Variants in PIEZO1 observed in about 807,000 individuals in gnomAD.
PIEZO1 encodes piezo-type mechanosensitive ion channel component 1.
PIEZO1 carries 296 observed loss-of-function variants against 297.2 expected under a neutral mutation model. The ratio of observed to expected loss-of-function variants is 1.00; its 90% CI spans 0.91 to 1.10. The LOEUF (loss-of-function observed/expected upper bound fraction) is 1.10. PIEZO1 is among the 50% of genes least tolerant of loss of function. The probability of loss-of-function intolerance (pLI) is 0.00; values close to 1 mark genes in which losing one functional copy is unlikely to be tolerated. For missense variants in PIEZO1, 5,018 were observed against 3,455.5 expected, an observed-to-expected ratio of 1.45 and a Z score of -11.34; for synonymous variants, 2,427 against 1,507.5, an observed-to-expected ratio of 1.61 and a Z score of -14.13.
At position 88,733,076 on chromosome 16, in the gene PIEZO1, T is replaced by G. The variant is rs61095291; in HGVS notation, c.2664+202A>C. 7,530 of 603,244 alleles carry G rather than the reference T, an allele frequency of 0.012. 418 individuals are homozygous for G. The African/African-American group carries it at 0.13, about 10-fold the overall frequency. 37.4% of individuals were successfully genotyped at this position (603,244 alleles called of 1,614,324 possible). ...GGGACTCCGCCCCTACTGGACACCC[T>G]TGTGTGCAGGGAGTGCGCCCCTGGT... is the stretch of plus-strand genomic sequence containing the variant. On this transcript the variant is annotated intron_variant, in intron 19 of 50. Transcript: ENST00000301015.
At chr16:88,755,729 G>T (rs969185346) in intron 1 of PIEZO1, among the ~76,000 whole-genome samples, 2 of 152,238 alleles carry the variant, frequency 1.3e-5, no homozygotes, top group Non-Finnish European at 2.9e-5. Flanking sequence ...CTCCAAAGGG[G>T]ACAGTGCAGA....
chr16:88,774,913 G>A (rs576202588), intron 1 of PIEZO1, among the ~76,000 whole-genome samples: 14 of 152,334 alleles, frequency 9.2e-5, no homozygotes, highest in African/African-American at 2.6e-4. Context: ...ATTAACCCCA[G>A]AGGAACCAGT....
intron 1 of PIEZO1, among the ~76,000 whole-genome samples, chr16:88,750,694 G>A (rs1036184069): frequency 1.3e-5 from 2 of 152,252 alleles, no homozygotes; most frequent in Non-Finnish European, 2.9e-5. Flanking sequence ...GGAATGTGAG[G>A]TTTGTCAGGA....
intron 1 of PIEZO1, among the ~76,000 whole-genome samples, chr16:88,756,902 C>T (rs1906688541): frequency 6.6e-6 from 1 of 152,048 alleles, no homozygotes; most frequent in South Asian, 2.1e-4. Flanking sequence ...TGGTGAAACC[C>T]TGTCTCTACT....
chr16:88,764,875 C>T (rs947100379), intron 1 of PIEZO1, among the ~76,000 whole-genome samples: 5 of 152,164 alleles, frequency 3.3e-5, no homozygotes, highest in East Asian at 1.9e-4. Context: ...CAGACACTGG[C>T]GACCACTCCA....
chr16:88,736,916 G>A, intron 10 of PIEZO1, 177 bp from the exon 11 acceptor site: 2 of 503,414 alleles, frequency 4.0e-6, no homozygotes, highest in Non-Finnish European at 7.0e-6. Flanking sequence ...CTGAGCGTCA[G>A]GGATGGCCCT....
rs926022158 is a variant in PIEZO1 at position 88,742,492 on chromosome 16, G to A, written c.161-70C>T. On this transcript the variant is annotated intron_variant, in intron 2 of 50. Transcript: ENST00000301015. ...GGGCCGCAGCCCAGGCCGCTCAGCC[G>A]GACAATAGCCCCCAGCCCGGCCAGA... 122 of 1,477,752 alleles carry A rather than the reference G, an allele frequency of 8.3e-5. 1 individual carries two copies. Among genetic ancestry groups the A allele is most frequent in the Admixed American group, 6.6e-4 (30 of 45,166 alleles). 91.5% of individuals were successfully genotyped at this position (1,477,752 alleles called of 1,614,324 possible).
rs1057359771 is a variant in PIEZO1 at position 88,727,107 on chromosome 16, G to A, written c.3387C>T (p.Gly1129=). The A allele has an allele frequency of 1.3e-4, 196 of 1,549,830 alleles. No homozygotes were observed. Among genetic ancestry groups the A allele is most frequent in the Middle Eastern group, 1.7e-4 (1 of 6,000 alleles). ...ERTEEWQRMA[G]VNTDRLEPLR... ...GCGGCTCCAGGCGGTCGGTGTTGAC[G>A]CCAGCCATGCGCTGCCACTCCTCTG... The change falls in exon 24 of 51, where the codon GGC becomes GGT. Residue 1129 remains glycine (G), a synonymous_variant. Transcript: ENST00000301015.
At position 88,723,004 on chromosome 16, in the gene PIEZO1, TC is replaced by T; in HGVS notation, c.4500del (p.Ser1501AlafsTer8). 1 of 1,400,602 alleles carries T rather than the reference TC, an allele frequency of 7.1e-7. No individual in the cohort carries two copies. The highest frequency in any genetic ancestry group is 1.2e-5 in the South Asian group (1 of 81,468). The allele number at this position is 1,400,602 out of a possible 1,614,324, so 86.8% of individuals were successfully genotyped here. On this transcript the variant is annotated frameshift_variant, in exon 34 of 51. Transcript: ENST00000301015. LOFTEE classifies it high-confidence loss of function. ...AEGPEEAAAG[R>X]SHVVQRVLST... is the part of the protein sequence containing the mutation. ...CTCAGCACCCTCTGCACCACATGGCTCCGGCCTGCGGGAGGGCGGGAGGGGG... is the reference window on the plus strand; with the variant it reads ...CTCAGCACCCTCTGCACCACATGGCTCGGCCTGCGGGAGGGCGGGAGGGGG...
rs1904303844 is a variant in PIEZO1, at chr16:88,723,891, A to G, written c.4315T>C (p.Ser1439Pro). Reference sequence around the variant, plus strand: ...CTCACCTGGAAGGCACTCTGTGCCGACGGCCTCGGGTCTTCAGGAACAGCC... The same window carrying G: ...CTCACCTGGAAGGCACTCTGTGCCGGCGGCCTCGGGTCTTCAGGAACAGCC... ...EEAVPEDPRP[S>P]AQSAFQLAYQ... The change falls in exon 31 of 51, where the codon TCG (serine) becomes CCG (proline). Residue 1439 changes from serine to proline, a missense_variant. Ser to Pro is a moderately conservative substitution (Grantham distance 74). Transcript: ENST00000301015. The G allele has an allele frequency of 4.5e-6, 7 of 1,546,062 alleles. No homozygotes were observed. The African/African-American group carries it at 9.6e-5, about 21-fold the overall frequency.
rs1597462463 is a variant in PIEZO1, at chr16:88,738,685, C to T, written c.517G>A (p.Ala173Thr). Residue 173 changes from alanine to threonine, a missense_variant, in exon 6 of 51, where the codon GCA becomes ACA. By Grantham distance (58) the Ala-to-Thr change is moderately conservative (BLOSUM62 0). Transcript: ENST00000301015. Reference protein sequence around the residue: ...DASPTAGLQEAATLAPTRRSR... With the variant: ...DASPTAGLQETATLAPTRRSR... ...CTCCGTGTAGGGGCCAGCGTTGCTG[C>T]TTCCTGCAGCCCTGCCGTCGGGCTG... 1.3e-6 allele frequency: 2 copies of T among 1,534,712 alleles called. No homozygotes were observed. Among genetic ancestry groups the T allele is most frequent in the Non-Finnish European group, 1.7e-6 (2 of 1,146,046 alleles).
chr16:88,732,718 G>A lies in PIEZO1; in HGVS notation c.2679C>T (p.Ser893=). The change falls in exon 20 of 51, where the codon AGC becomes AGT. Residue 893 remains serine, a synonymous_variant. Coordinates refer to ENST00000301015, the MANE Select transcript of PIEZO1 (RefSeq NM_001142864.4). The part of the protein sequence containing the change: ...SSNCTEPFPN[S]TNLLPTEISQ... ...TGATCTCCGTGGGCAGCAAGTTGGT[G>A]CTGTTGGGGAAGGGCTGGCAAGAGG... is the stretch of plus-strand genomic sequence containing the variant. The A allele has an allele frequency of 6.5e-7, 1 of 1,547,886 alleles. No individual in the cohort carries two copies. Among genetic ancestry groups the A allele is most frequent in the Non-Finnish European group, 8.7e-7 (1 of 1,145,520 alleles).
chr16:88,781,440 G>A (rs1300020522), intron 1 of PIEZO1, among the ~76,000 whole-genome samples: 1 of 152,194 alleles, frequency 6.6e-6, no homozygotes, highest in Non-Finnish European at 1.5e-5. Flanking sequence ...ACGCACACAT[G>A]TGCACACTCA....
rs746465616 is a variant in PIEZO1 at position 88,732,544 on chromosome 16, G to T, written c.2791-9C>A. 11 of 1,545,000 alleles carry T rather than the reference G, an allele frequency of 7.1e-6. No homozygotes were observed. Among genetic ancestry groups the T allele is most frequent in the Non-Finnish European group, 8.8e-7 (1 of 1,142,822 alleles). The stretch of plus-strand genomic sequence containing the variant: ...AGCACTTGCAGGTGGTTCTGCGGAG[G>T]GCAAGGGTCAGGGGGCAGCCGGGTA... On this transcript the variant is annotated splice_polypyrimidine_tract_variant and intron_variant, in intron 20 of 50. Coordinates refer to ENST00000301015, the MANE Select transcript of PIEZO1 (RefSeq NM_001142864.4).
chr16:88,731,952 T>TGGGGGAGGGC (rs1904860300), intron 21 of PIEZO1, 42 bp from the exon 22 acceptor site: 1 of 307,728 alleles, frequency 3.2e-6, no homozygotes, highest in African/African-American at 2.3e-5. Flanking sequence ...GCACTGAGTC[T>TGGGGGAGGGC]GGGGGGAGGG....
intron 1 of PIEZO1, among the ~76,000 whole-genome samples, chr16:88,760,233 C>G (rs1248871962): frequency 1.3e-5 from 2 of 152,188 alleles, no homozygotes; most frequent in Non-Finnish European, 1.5e-5. Context: ...CCCCGGGGCG[C>G]TGGACCGTCT....
rs533041582 is a variant in PIEZO1, at chr16:88,721,626, C to G, written c.5315G>C (p.Arg1772Pro). ...RYENKPYFPP[R>P]ILGLEKTDGY... ...GTCAGTCTTCTCCAGGCCCAGGATG[C>G]GGGGCGGGAAGTAGGGCTTGTTCTC... is the stretch of plus-strand genomic sequence containing the variant. The change falls in exon 38 of 51, where the codon CGC (arginine) becomes CCC (proline). Residue 1772 changes from arginine to proline, a missense_variant. By Grantham distance (103) the Arg-to-Pro change is moderately radical. Transcript: ENST00000301015. 2.2e-5 allele frequency: 34 copies of G among 1,550,106 alleles called. No individual in the cohort carries two copies. Among genetic ancestry groups the G allele is most frequent in the Non-Finnish European group, 2.9e-5 (33 of 1,146,848 alleles).
At chr16:88,780,828 A>T (rs970497010) in intron 1 of PIEZO1, among the ~76,000 whole-genome samples, 31 of 152,206 alleles carry the variant, frequency 2.0e-4, no homozygotes, top group Admixed American at 2.0e-3. Flanking sequence ...ATGGTGCTAC[A>T]CACCTGTAAT....
intron 10 of PIEZO1, 51 bp downstream of exon 10, chr16:88,737,508 C>T: frequency 7.6e-7 from 1 of 1,315,570 alleles, no homozygotes; most frequent in South Asian, 1.3e-5. Flanking sequence ...CAGCACCGGC[C>T]TCCGCCCCGC....
Sources: allele counts gnomAD v4.1 joint callset (sites outside exome capture counted in the v4.1 genomes callset), GRCh38; gene constraint gnomAD v4.1.1; transcripts MANE v1.5; gene names NCBI Gene and HGNC (gene_info 2026-07-23, HGNC 2026-07-21).